The following COL23A1 variants were observed in gnomAD, a reference collection of about 807,000 sequenced individuals.
COL23A1 encodes the protein collagen alpha-1(XXIII) chain.
In COL23A1, 97 loss-of-function variants were observed where a neutral mutation model predicts 99.3. The ratio of observed to expected loss-of-function variants is 0.98; its 90% confidence interval spans 0.83 to 1.16. The LOEUF is 1.16. Among genes scored for constraint, COL23A1 ranks in the 50% most tolerant of loss-of-function variants. The pLI, the probability that COL23A1 is intolerant of heterozygous loss-of-function variation, is 0.00. For synonymous variants in COL23A1, 320 were observed against 308.2 expected (o/e 1.04, Z -0.40); for missense variants, 762 against 757.4 (o/e 1.01, Z -0.07).
chr5:178,368,215 G>A (rs184854375), intron 2 of COL23A1, among the ~76,000 whole-genome samples: 4 of 152,324 alleles, frequency 2.6e-5, no homozygotes, highest in Admixed American at 2.6e-4. Context: ...CTCATGGCTA[G>A]GACATGGGTT....
rs1365340773 is a variant in COL23A1 at position 178,281,475 on chromosome 5, GC to G, written c.441+6848del. ...GGCTGTCGCTGCTCCCAGGACTGAG[GC>G]CGGAGATGAAGTGCAGTCACCGCTC... On this transcript the variant is annotated intron_variant, in intron 5 of 28. Transcript: ENST00000390654. The surrounding 1 kb of genome is among the most constrained non-coding windows in gnomAD (Gnocchi z 4.0). Among the ~76,000 whole-genome samples, 1 of 152,156 alleles carries G rather than the reference GC, an allele frequency of 6.6e-6. No individual in the cohort carries two copies. Among genetic ancestry groups the G allele is most frequent in the Non-Finnish European group, 1.5e-5 (1 of 68,044 alleles).
chr5:178,408,631 A>T (rs1192313757), intron 2 of COL23A1, among the ~76,000 whole-genome samples: 7 of 151,682 alleles, frequency 4.6e-5, no homozygotes, highest in East Asian at 3.9e-4. Flanking sequence ...GGAGTTTCTT[A>T]AAAAAACCCC....
chr5:178,283,155 G>C (rs1346221363), intron 5 of COL23A1, among the ~76,000 whole-genome samples: 4 of 152,056 alleles, frequency 2.6e-5, no homozygotes, highest in African/African-American at 9.7e-5. Context: ...AAAAGTGCTG[G>C]GATTACAGGC....
intron 1 of COL23A1, among the ~76,000 whole-genome samples, chr5:178,569,350 A>G (rs1380431260): frequency 6.6e-6 from 1 of 152,224 alleles, no homozygotes; most frequent in Non-Finnish European, 1.5e-5. Context: ...ATTCTTGATC[A>G]GGATTCTAAC....
In COL23A1 at chr5:178,589,280, C is replaced by A. The variant is rs1481931585; in HGVS notation, c.294+624G>T. On this transcript the variant is annotated intron_variant, in intron 1 of 28. Coordinates refer to ENST00000390654, the MANE Select transcript of COL23A1 (RefSeq NM_173465.4). The surrounding 1 kb of genome is among the most constrained non-coding windows in gnomAD (Gnocchi z 5.4). ...CACCGCCTGAAACCAGAATCCAGGT[C>A]CTCCACCCCCGATTGTTTCTCCTTC... 6.6e-6 allele frequency among the ~76,000 whole-genome samples: 1 copy of A among 152,140 alleles called. No individual in the cohort carries two copies. Among genetic ancestry groups the A allele is most frequent in the Non-Finnish European group, 1.5e-5 (1 of 68,026 alleles).
intron 2 of COL23A1, among the ~76,000 whole-genome samples, chr5:178,379,688 C>G (rs1211298477): frequency 2.6e-5 from 4 of 152,032 alleles, no homozygotes; most frequent in African/African-American, 9.7e-5. Flanking sequence ...TCGAGACCAG[C>G]CTGACCAACA....
chr5:178,303,034 T>A (rs1380560008), intron 3 of COL23A1, among the ~76,000 whole-genome samples: 1 of 152,244 alleles, frequency 6.6e-6, no homozygotes, highest in Non-Finnish European at 1.5e-5. Flanking sequence ...AGAGTCTAGC[T>A]CTGTTGCCCA....
intron 2 of COL23A1, among the ~76,000 whole-genome samples, chr5:178,329,430 G>A (rs1561866909): frequency 6.6e-6 from 1 of 152,068 alleles, no homozygotes; most frequent in Non-Finnish European, 1.5e-5. Context: ...GGCTCCCCCT[G>A]CCAGCCAGGA....
chr5:178,558,203 T>C (rs1277595075), intron 2 of COL23A1, among the ~76,000 whole-genome samples: 2 of 151,988 alleles, frequency 1.3e-5, no homozygotes, highest in Non-Finnish European at 1.5e-5. Flanking sequence ...CCACTCCTGA[T>C]GGAAGGCAGG....
chr5:178,357,492 C>A (rs796505323), intron 2 of COL23A1, among the ~76,000 whole-genome samples: 1 of 152,198 alleles, frequency 6.6e-6, no homozygotes, highest in African/African-American at 2.4e-5. Flanking sequence ...AGGTTTTAAC[C>A]GTCCGCTGGG....
intron 2 of COL23A1, among the ~76,000 whole-genome samples, chr5:178,449,296 C>T (rs1328875536): frequency 6.6e-6 from 1 of 152,190 alleles, no homozygotes; most frequent in East Asian, 1.9e-4. Context: ...CTGTCTTCCC[C>T]CACGTCTGCC....
At chr5:178,301,923 C>T (rs975760957) in intron 3 of COL23A1, among the ~76,000 whole-genome samples, 4 of 146,288 alleles carry the variant, frequency 2.7e-5, no homozygotes, top group Non-Finnish European at 1.5e-5. Context: ...CTTCAATTCA[C>T]CTCTGTGTGC....
intron 2 of COL23A1, among the ~76,000 whole-genome samples, chr5:178,316,085 G>A (rs1237041044): frequency 1.3e-5 from 2 of 152,120 alleles, no homozygotes; most frequent in South Asian, 2.1e-4. Context: ...TGTTTAAGCA[G>A]TTTAAATATA....
Position 178,288,356 on chromosome 5 carries a change from G to T in COL23A1, c.415-6C>A, listed in dbSNP as rs760761594. 5 of 1,611,280 alleles carry T rather than the reference G, an allele frequency of 3.1e-6. No homozygotes were observed. Among genetic ancestry groups the T allele is most frequent in the South Asian group, 2.2e-5 (2 of 91,016 alleles). ...CCATCTCGTCCTGATTGCCCCTGTG[G>T]TAATTAATATGTCATTAATAATCAG... On this transcript the variant is annotated splice_region_variant and splice_polypyrimidine_tract_variant and intron_variant, in intron 4 of 28. Transcript: ENST00000390654.
chr5:178,376,004 G>C (rs978484192), intron 2 of COL23A1, among the ~76,000 whole-genome samples: 6 of 152,150 alleles, frequency 3.9e-5, no homozygotes, highest in Non-Finnish European at 8.8e-5. Context: ...ACCACGCCCG[G>C]CTCCCATTCC....
rs1477237172 is a variant in COL23A1 at position 178,262,207 on chromosome 5, G to A, written c.675+10C>T. ...GCAGCCCAGGCCTCTGGAATGCCCT[G>A]GATACTGACCATCTCGCCGTCTTGT... is the stretch of plus-strand genomic sequence containing the variant. On this transcript the variant is annotated intron_variant, in intron 10 of 28. Transcript: ENST00000390654. 6.3e-7 allele frequency: 1 copy of A among 1,580,296 alleles called. No individual in the cohort carries two copies. Among genetic ancestry groups the A allele is most frequent in the Non-Finnish European group, 8.6e-7 (1 of 1,162,382 alleles).
chr5:178,437,306 G>A (rs112530397), intron 2 of COL23A1, among the ~76,000 whole-genome samples: 4 of 152,228 alleles, frequency 2.6e-5, no homozygotes, highest in East Asian at 1.9e-4. Context: ...CAGAAATCTC[G>A]CTGTGACCCT....
chr5:178,246,259 C>T lies in COL23A1; in HGVS notation c.1408G>A (p.Glu470Lys). The change falls in exon 24 of 29, where the codon GAG (glutamate) becomes AAG (lysine). Residue 470 changes from glutamate to lysine, a missense_variant. Glu to Lys is a moderately conservative substitution (Grantham distance 56). Transcript: ENST00000390654. Reference protein sequence around the residue: ...GLIGLPGTKGEKGRPGEPGLD... With the variant: ...GLIGLPGTKGKKGRPGEPGLD... ...GTTCCGAATGAGGCGGTTACCTTCT[C>T]TCCTTTGGTTCCTGGCAGCCCAATA... 6.4e-7 allele frequency: 1 copy of T among 1,553,860 alleles called. No homozygotes were observed. Among genetic ancestry groups the T allele is most frequent in the Non-Finnish European group, 8.7e-7 (1 of 1,147,876 alleles).
At chr5:178,361,400 T>C (rs1481555755) in intron 2 of COL23A1, among the ~76,000 whole-genome samples, 8 of 152,156 alleles carry the variant, frequency 5.3e-5, no homozygotes. Context: ...TTTCGAGCCC[T>C]TGCTCTGAGG....
Sources: allele counts gnomAD v4.1 joint callset (sites outside exome capture counted in the v4.1 genomes callset), GRCh38; gene constraint gnomAD v4.1.1; non-coding constraint Gnocchi (gnomAD v3.1); transcripts MANE v1.5; gene names NCBI Gene and HGNC (gene_info 2026-07-23, HGNC 2026-07-21).